Variants in DPP10 observed in about 807,000 individuals in gnomAD.
DPP10 encodes inactive dipeptidyl peptidase 10.
Under a neutral mutation model 120.9 loss-of-function variants are expected in DPP10, and 33 were observed. That is an observed-to-expected ratio of 0.27 (90% CI 0.21 to 0.37). The LOEUF (loss-of-function observed/expected upper bound fraction) is 0.37, where lower values mean the gene tolerates loss of function less well. Among genes scored for constraint, DPP10 ranks in the 10% least tolerant of loss-of-function variants. The pLI is 1.00. For synonymous variants in DPP10, 337 were observed against 326.1 expected (o/e 1.03, Z -0.36); for missense variants, 816 against 942.8 (o/e 0.87, Z 1.76).
intron 1 of DPP10, among the ~76,000 whole-genome samples, chr2:114,624,818 A>G (rs1027972829): frequency 5.3e-5 from 8 of 151,948 alleles, no homozygotes; most frequent in Non-Finnish European, 1.2e-4. Flanking sequence ...TAGTATAACA[A>G]TAGGATAATA....
At chr2:115,453,256 A>T (rs1248997953) in intron 3 of DPP10, among the ~76,000 whole-genome samples, 1 of 151,382 alleles carries the variant, frequency 6.6e-6, no homozygotes, top group Non-Finnish European at 1.5e-5. Flanking sequence ...TACATTTTTA[A>T]ATATTGATTA....
chr2:115,177,601 A>T (rs2053779628), intron 1 of DPP10, among the ~76,000 whole-genome samples: 2 of 152,130 alleles, frequency 1.3e-5, no homozygotes, highest in Non-Finnish European at 2.9e-5. Context: ...CATTCTTTTG[A>T]TAGGTAATCA....
At chr2:114,613,058 A>G (rs785041) in intron 1 of DPP10, among the ~76,000 whole-genome samples, 16,668 of 152,152 alleles carry the variant, frequency 0.11, 1,233 homozygotes, top group East Asian at 0.21. Flanking sequence ...GATGATCATG[A>G]CATTTATCCC....
At chr2:115,269,297 A>G (rs911105575) in intron 1 of DPP10, among the ~76,000 whole-genome samples, 1 of 152,206 alleles carries the variant, frequency 6.6e-6, no homozygotes, top group East Asian at 1.9e-4. Context: ...AAGACATTTC[A>G]GGACACCAGG....
At chr2:115,440,919 C>A (rs1409155831) in intron 3 of DPP10, 1 of 152,110 alleles carries the variant, frequency 6.6e-6, no homozygotes, top group Non-Finnish European at 1.5e-5. Flanking sequence ...CTTTGAAATG[C>A]TGAGGATCTG....
chr2:114,514,029 T>C (rs1684390598), intron 1 of DPP10, among the ~76,000 whole-genome samples: 1 of 152,240 alleles, frequency 6.6e-6, no homozygotes, highest in African/African-American at 2.4e-5. Flanking sequence ...ATCCAAGGCA[T>C]CTTTCCTCCC....
intron 3 of DPP10, among the ~76,000 whole-genome samples, chr2:115,438,550 T>A (rs2104842421): frequency 6.6e-6 from 1 of 152,298 alleles, no homozygotes. Flanking sequence ...TGCAATAAAA[T>A]ATTATTTAGC....
intron 1 of DPP10, among the ~76,000 whole-genome samples, chr2:114,793,551 G>C (rs1683435355): frequency 6.6e-6 from 1 of 152,158 alleles, no homozygotes; most frequent in Non-Finnish European, 1.5e-5. Flanking sequence ...CTGTGTATCA[G>C]ACAGTGTTCT....
intron 1 of DPP10, among the ~76,000 whole-genome samples, chr2:114,622,406 CTT>C (rs11358430): frequency 1.8e-3 from 263 of 143,132 alleles, no homozygotes; most frequent in African/African-American, 4.5e-3. Flanking sequence ...ATCCATCTAT[CTT>C]TTTTTTTTTT....
intron 1 of DPP10, among the ~76,000 whole-genome samples, chr2:114,998,276 G>T (rs1486750654): frequency 6.6e-6 from 1 of 152,086 alleles, no homozygotes; most frequent in Non-Finnish European, 1.5e-5. Flanking sequence ...AAAATAAATT[G>T]GTGGGCATTA....
At chr2:115,590,178 A>C (rs1370574944) in intron 5 of DPP10, among the ~76,000 whole-genome samples, 1 of 143,732 alleles carries the variant, frequency 7.0e-6, no homozygotes, top group Non-Finnish European at 1.5e-5. Context: ...TATTATTATT[A>C]TTATTATACT....
chr2:115,638,731 C>T (rs1251793432), intron 5 of DPP10, among the ~76,000 whole-genome samples: 2 of 152,100 alleles, frequency 1.3e-5, no homozygotes, highest in African/African-American at 4.8e-5. Context: ...GTGTAGAGTC[C>T]AGACTAAGAG....
chr2:115,582,578 C>T (rs1273174136), intron 5 of DPP10, among the ~76,000 whole-genome samples: 1 of 152,120 alleles, frequency 6.6e-6, no homozygotes, highest in African/African-American at 2.4e-5. Flanking sequence ...CTCATGTATG[C>T]CTAGATACCT....
rs1248120381 is a variant in DPP10, at chr2:114,975,271, C to G, written c.61-333968C>G. On this transcript the variant is annotated intron_variant, in intron 1 of 25. Transcript: ENST00000410059. ...ATGTTGGCCAAGGTGGTCTCAATCTCTTGACCTCATGATCCACTCACCTTG... is the reference window on the plus strand; with the variant it reads ...ATGTTGGCCAAGGTGGTCTCAATCTGTTGACCTCATGATCCACTCACCTTG... Among the ~76,000 whole-genome samples the G allele has an allele frequency of 3.9e-5, 6 of 152,248 alleles. No individual in the cohort carries two copies. In the East Asian group the frequency reaches 1.2e-3, roughly 30 times the overall value.
At chr2:115,412,257 A>G (rs1467653343) in intron 3 of DPP10, among the ~76,000 whole-genome samples, 2 of 152,226 alleles carry the variant, frequency 1.3e-5, no homozygotes, top group Non-Finnish European at 2.9e-5. Flanking sequence ...CTGTCTATAG[A>G]TGGCTGCTAC....
chr2:115,394,311 A>C (rs2067516228), intron 3 of DPP10, among the ~76,000 whole-genome samples: 1 of 152,272 alleles, frequency 6.6e-6, no homozygotes, highest in East Asian at 1.9e-4. Context: ...GAAATGACTT[A>C]CATCACATTC....
intron 3 of DPP10, among the ~76,000 whole-genome samples, chr2:115,448,245 G>A (rs749229062): frequency 3.3e-5 from 5 of 152,130 alleles, no homozygotes; most frequent in East Asian, 1.9e-4. Flanking sequence ...TTAGAGACTC[G>A]GGATAGAGAA....
intron 1 of DPP10, among the ~76,000 whole-genome samples, chr2:114,672,692 A>G (rs1437854435): frequency 6.6e-6 from 1 of 152,158 alleles, no homozygotes; most frequent in Non-Finnish European, 1.5e-5. Flanking sequence ...TTCCTCTAAC[A>G]TAAAAATTAT....
At chr2:114,849,975 T>TCCCTC (rs1181845516) in intron 1 of DPP10, among the ~76,000 whole-genome samples, 2 of 151,074 alleles carry the variant, frequency 1.3e-5, no homozygotes, top group Non-Finnish European at 3.0e-5. Context: ...TCTTCTCTTC[T>TCCCTC]CCCTCCCCTC....
Sources: allele counts gnomAD v4.1 joint callset (sites outside exome capture counted in the v4.1 genomes callset), GRCh38; gene constraint gnomAD v4.1.1; transcripts MANE v1.5; gene names NCBI Gene and HGNC (gene_info 2026-07-23, HGNC 2026-07-21).